The following PLA2G6 variants were observed in gnomAD, a reference collection of about 807,000 sequenced individuals.
PLA2G6 encodes phospholipase A2 group VI, also known as 85/88 kDa calcium-independent phospholipase A2.
A neutral mutation model predicts 83.8 loss-of-function variants in PLA2G6; 62 were observed. The observed-to-expected ratio is 0.74, with a 90% CI of 0.60 to 0.91. The LOEUF (loss-of-function observed/expected upper bound fraction) is 0.91, where lower values mean the gene tolerates loss of function less well. Among genes scored for constraint, PLA2G6 ranks in the 40% least tolerant of loss-of-function variants. The pLI, the probability that PLA2G6 is intolerant of heterozygous loss-of-function variation, is 0.00. For missense variants in PLA2G6, 944 were observed against 1,102.0 expected (o/e 0.86, Z 2.03); for synonymous variants, 417 against 449.8 (o/e 0.93, Z 0.92).
At chr22:38,117,461 C>T (rs1412211125) in intron 12 of PLA2G6, among the ~76,000 whole-genome samples, 1 of 152,036 alleles carries the variant, frequency 6.6e-6, no homozygotes. Flanking sequence ...TCCCAAAGTG[C>T]TGGGATTACA....
Position 38,112,523 on chromosome 22 carries a change from C to G in PLA2G6, c.2257G>C (p.Val753Leu). The G allele has an allele frequency of 6.4e-7, 1 of 1,555,844 alleles. No individual in the cohort carries two copies. Among genetic ancestry groups the G allele is most frequent in the Non-Finnish European group, 8.7e-7 (1 of 1,150,820 alleles). ...VDRARAWCEM[V>L]GIQYFRLNPQ... Reference sequence around the variant, plus strand: ...CCTCACCTGAAGTACTGGATGCCGACCATCTCGCACCAGGCCCGTGCCCGG... The same window carrying G: ...CCTCACCTGAAGTACTGGATGCCGAGCATCTCGCACCAGGCCCGTGCCCGG... The change falls in exon 16 of 17, where the codon GTC becomes CTC. Residue 753 changes from valine (V) to leucine (L), a missense_variant. By Grantham distance (32) the Val-to-Leu change is conservative. Coordinates refer to ENST00000332509, the MANE Select transcript of PLA2G6 (RefSeq NM_003560.4).
At chr22:38,113,390 C>T in intron 15 of PLA2G6, 97 bp downstream of exon 15, 1 of 1,189,900 alleles carries the variant, frequency 8.4e-7, no homozygotes, top group African/African-American at 1.5e-5. Flanking sequence ...GCCCTGCTGT[C>T]TCCTCCAACA....
At chr22:38,116,552 G>C in intron 12 of PLA2G6, 1 of 415,420 alleles carries the variant, frequency 2.4e-6, no homozygotes, top group South Asian at 1.9e-5. Flanking sequence ...ACACACTGCA[G>C]ACGTTAGAAA....
At chr22:38,127,917 G>A (rs376260465) in intron 9 of PLA2G6, among the ~76,000 whole-genome samples, 331 of 152,292 alleles carry the variant, frequency 2.2e-3, no homozygotes, top group African/African-American at 7.6e-3. Context: ...CAGAGGGCCC[G>A]GGCCCCCAGT....
intron 15 of PLA2G6, 159 bp from the exon 16 acceptor site, chr22:38,112,736 C>T (rs2086956930): frequency 1.5e-6 from 1 of 684,818 alleles, no homozygotes; most frequent in African/African-American, 1.8e-5. Context: ...GGGCAAAACC[C>T]CTTCCTGGGA....
chr22:38,147,935 C>G (rs1386988665), intron 2 of PLA2G6: 3 of 156,522 alleles, frequency 1.9e-5, no homozygotes, highest in African/African-American at 7.2e-5. Context: ...TAAACTATAA[C>G]GTAATCAGTG....
chr22:38,166,241 A>C (rs1345734279), intron 2 of PLA2G6, among the ~76,000 whole-genome samples: 3 of 152,032 alleles, frequency 2.0e-5, no homozygotes, highest in African/African-American at 7.2e-5. Flanking sequence ...GGGGAGATTG[A>C]CCTTCTGCAT....
rs139922350 is a variant in PLA2G6 at position 38,118,559 on chromosome 22, C to A, written c.1742+2200G>T. 2.0e-3 allele frequency among the ~76,000 whole-genome samples: 311 copies of A among 152,234 alleles called. 1 individual carries two copies. The highest frequency in any genetic ancestry group is 7.2e-3 in the African/African-American group (300 of 41,540). On this transcript the variant is annotated intron_variant, in intron 12 of 16. Transcript: ENST00000332509. ...ACTATTTTGAGCATTTCTGAATGAT[C>A]TTTTCATATTTTGAAAATGAGTCCT...
chr22:38,145,662 C>A lies in PLA2G6; in HGVS notation c.210-9G>T. 3 of 1,599,072 alleles carry A rather than the reference C, an allele frequency of 1.9e-6. No individual in the cohort carries two copies. Among genetic ancestry groups the A allele is most frequent in the Non-Finnish European group, 2.6e-6 (3 of 1,168,910 alleles). On this transcript the variant is annotated splice_polypyrimidine_tract_variant and intron_variant, in intron 2 of 16. Transcript: ENST00000332509. ...ACTCCAGCTGGAAGAGTCTGTAGAG[C>A]CAGGACAGAGGAGCAAGACCCGAAA...
chr22:38,126,159 G>A, intron 10 of PLA2G6: 1 of 640,080 alleles, frequency 1.6e-6, no homozygotes, highest in African/African-American at 1.8e-5. Context: ...ACCCTGGGCT[G>A]GTCTCCAGAG....
At chr22:38,135,205 C>G in intron 5 of PLA2G6, 121 bp from the exon 6 acceptor site, 1 of 718,546 alleles carries the variant, frequency 1.4e-6, no homozygotes, top group Non-Finnish European at 2.5e-6. Context: ...CAAAGTTCAG[C>G]AAACCCAACC....
At chr22:38,127,288 G>C in intron 9 of PLA2G6, 1 of 1,254,370 alleles carries the variant, frequency 8.0e-7, no homozygotes, top group Non-Finnish European at 1.0e-6. Context: ...GCCGGGGACA[G>C]GGTGCAGGGG....
At chr22:38,178,604 C>G (rs2090726784) in intron 1 of PLA2G6, among the ~76,000 whole-genome samples, 1 of 152,136 alleles carries the variant, frequency 6.6e-6, no homozygotes, top group Admixed American at 6.6e-5. Flanking sequence ...GTGGCTCACA[C>G]CAGTAATCCC....
chr22:38,126,236 A>G (rs371571059), intron 10 of PLA2G6, 135 bp downstream of exon 10: 10 of 738,056 alleles, frequency 1.4e-5, no homozygotes, highest in Admixed American at 3.7e-5. Flanking sequence ...GCTGAGAACT[A>G]TAAGACTAGG....
In PLA2G6 at chr22:38,132,895, G is replaced by T. The variant is rs1003840986; in HGVS notation, c.1013C>A (p.Thr338Asn). ...GCGGGCATCCGCGTTGGCCCCGTGGGTCAGCAGCACTATGGCACAGTCGAA... is the reference window on the plus strand; with the variant it reads ...GCGGGCATCCGCGTTGGCCCCGTGGTTCAGCAGCACTATGGCACAGTCGAA... The part of the protein sequence containing the change: ...NRFDCAIVLL[T>N]HGANADARGE... Residue 338 changes from threonine to asparagine, a missense_variant, in exon 7 of 17, where the codon ACC (threonine) becomes AAC (asparagine). Coordinates refer to ENST00000332509, the MANE Select transcript of PLA2G6 (RefSeq NM_003560.4). This position sits in a 1 kb window ranked among gnomAD's most constrained non-coding sequence, Gnocchi z 5.0. The T allele has an allele frequency of 4.5e-6, 7 of 1,555,602 alleles. No individual in the cohort carries two copies. The highest frequency in any genetic ancestry group is 2.4e-5 in the East Asian group (1 of 41,290).
chr22:38,141,416 T>TG (rs796975238), intron 4 of PLA2G6: 10 of 152,334 alleles, frequency 6.6e-5, no homozygotes, highest in African/African-American at 2.4e-4. Context: ...GCTGTCCCCA[T>TG]GAGGTTCATT....
In PLA2G6 at chr22:38,128,432, T is replaced by C. The variant is rs2088003255; in HGVS notation, c.1187-2A>G. On this transcript the variant is annotated splice_acceptor_variant, in intron 8 of 16. Transcript: ENST00000332509. LOFTEE classifies it high-confidence loss of function. The surrounding 1 kb of genome is among the most constrained non-coding windows in gnomAD (Gnocchi z 4.4). ...TCAAGATCGCCTTCCTGGTGACAAC[T>C]TGTCATGGTTTGGGGAAGGGGAGAT... is the stretch of plus-strand genomic sequence containing the variant. 1 of 1,613,934 alleles carries C rather than the reference T, an allele frequency of 6.2e-7. No homozygotes were observed. The highest frequency in any genetic ancestry group is 2.2e-5 in the East Asian group (1 of 44,864).
At chr22:38,176,036 C>T (rs1016956973) in intron 1 of PLA2G6, among the ~76,000 whole-genome samples, 3 of 152,152 alleles carry the variant, frequency 2.0e-5, no homozygotes, top group African/African-American at 4.8e-5. Flanking sequence ...CTCTCCACAA[C>T]GGATAGGGAA....
At chr22:38,168,792 G>C (rs1250840544) in intron 2 of PLA2G6, among the ~76,000 whole-genome samples, 1 of 152,210 alleles carries the variant, frequency 6.6e-6, no homozygotes, top group East Asian at 1.9e-4. Flanking sequence ...AGAGGTTGCA[G>C]TGAGCCGAGA....
Sources: gnomAD v4.1 joint callset for allele counts (sites outside exome capture counted in the v4.1 genomes callset) on GRCh38, gnomAD v4.1.1 for gene constraint, Gnocchi (gnomAD v3.1) non-coding constraint, MANE v1.5 for transcripts, NCBI Gene and HGNC (gene_info 2026-07-23, HGNC 2026-07-21) for gene names.